DOCK6: variants seen among roughly 807,000 people sequenced by gnomAD.
The protein encoded by DOCK6 is dedicator of cytokinesis protein 6.
DOCK6 carries 167 observed loss-of-function variants against 230.3 expected under a neutral mutation model. The observed-to-expected ratio is 0.73, with a 90% confidence interval of 0.64 to 0.82. The LOEUF (loss-of-function observed/expected upper bound fraction) is 0.82, where lower values mean the gene tolerates loss of function less well. Ranked by LOEUF, DOCK6 falls within the 40% of genes least tolerant of loss-of-function variation. The pLI is 0.00. For synonymous variants in DOCK6, 1,148 were observed against 1,185.0 expected (o/e 0.97, Z 0.64); for missense variants, 2,598 against 2,825.8 (o/e 0.92, Z 1.83).
At position 11,236,996 on chromosome 19, in the gene DOCK6, G is replaced by T; in HGVS notation, c.2074-117C>A. 2 of 1,064,882 alleles carry T rather than the reference G, an allele frequency of 1.9e-6. No individual in the cohort carries two copies. Among genetic ancestry groups the T allele is most frequent in the Non-Finnish European group, 2.7e-6 (2 of 746,534 alleles). The allele number at this position is 1,064,882 out of a possible 1,614,324, so 66.0% of individuals were successfully genotyped here. ...GAGTGTAGCCCGGTCTGGGGGTGCA[G>T]CCAAGCACCCTGCCCCCAGCCCTGG... is the stretch of plus-strand genomic sequence containing the variant. On this transcript the variant is annotated intron_variant, in intron 18 of 47. Coordinates refer to ENST00000294618, the MANE Select transcript of DOCK6 (RefSeq NM_020812.4). This position sits in a 1 kb window ranked among gnomAD's most constrained non-coding sequence, Gnocchi z 5.2.
At position 11,262,320 on chromosome 19, in the gene DOCK6, G is replaced by A. The variant is rs2147908643; in HGVS notation, c.44+77C>T. 4.0e-6 allele frequency: 4 copies of A among 1,011,828 alleles called. No homozygotes were observed. The South Asian group carries it at 1.3e-4, about 34-fold the overall frequency. 62.7% of individuals were successfully genotyped at this position (1,011,828 alleles called of 1,614,324 possible). A position where few individuals can be genotyped will look rare whatever the true frequency, so the allele number is the denominator to read the frequency against. On this transcript the variant is annotated intron_variant, in intron 1 of 47. Transcript: ENST00000294618. ...AAGGGGTTGAATTGGGGGCGCCCGG[G>A]CGGGGAGGGTCGCACCGCCCCGGGG...
chr19:11,243,885 G>A lies in DOCK6; in HGVS notation c.1024-3C>T, dbSNP rs2079990919. On this transcript the variant is annotated splice_region_variant and splice_polypyrimidine_tract_variant and intron_variant, in intron 9 of 47. Coordinates refer to ENST00000294618, the MANE Select transcript of DOCK6 (RefSeq NM_020812.4). The surrounding 1 kb of genome is among the most constrained non-coding windows in gnomAD (Gnocchi z 6.3). Reference sequence around the variant, plus strand: ...CCTTGCTGAAGCACCTTCTCCAACTGCGGGGCAGATGAATGAATCCAGTGA... The same window carrying A: ...CCTTGCTGAAGCACCTTCTCCAACTACGGGGCAGATGAATGAATCCAGTGA... 1.9e-6 allele frequency: 3 copies of A among 1,606,334 alleles called. No homozygotes were observed. In the African/African-American group the frequency reaches 4.0e-5, roughly 21 times the overall value.
chr19:11,247,668 C>T (rs1052573003), intron 7 of DOCK6: 4 of 166,262 alleles, frequency 2.4e-5, no homozygotes, highest in South Asian at 3.0e-4. Context: ...CACTAGCACC[C>T]GCCCCAAAGC....
At chr19:11,237,131 A>G in intron 18 of DOCK6, 1 of 589,412 alleles carries the variant, frequency 1.7e-6, no homozygotes, top group Non-Finnish European at 3.0e-6. Context: ...AGGTCAGGAA[A>G]CAGGATAGGA....
At position 11,211,972 on chromosome 19, in the gene DOCK6, C is replaced by T. The variant is rs376760450; in HGVS notation, c.4650+21G>A. 229 of 1,074,392 alleles carry T rather than the reference C, an allele frequency of 2.1e-4. No individual in the cohort carries two copies. The African/African-American group carries it at 3.2e-3, about 15-fold the overall frequency. 66.6% of individuals were successfully genotyped at this position (1,074,392 alleles called of 1,614,324 possible). The stretch of plus-strand genomic sequence containing the variant: ...GGAGTTATATGAAGGGGAGGCGGGG[C>T]GGGGACCCAGCAGGTGTCACCTGCT... On this transcript the variant is annotated intron_variant, in intron 36 of 47. Coordinates refer to ENST00000294618, the MANE Select transcript of DOCK6 (RefSeq NM_020812.4).
At chr19:11,261,009 CAA>C (rs960688218) in intron 1 of DOCK6, among the ~76,000 whole-genome samples, 10 of 151,738 alleles carry the variant, frequency 6.6e-5, no homozygotes, top group African/African-American at 2.2e-4. Context: ...AATTTACAGA[CAA>C]AGATAATGAT....
intron 30 of DOCK6, 41 bp from the exon 31 acceptor site, chr19:11,215,968 C>G (rs767003934): frequency 6.2e-7 from 1 of 1,611,286 alleles, no homozygotes. Context: ...TGACTCTGCT[C>G]TTTTCGGGGG....
intron 14 of DOCK6, chr19:11,239,938 G>A (rs2079915615): frequency 4.4e-6 from 7 of 1,577,994 alleles, no homozygotes; most frequent in Non-Finnish European, 6.0e-6. Flanking sequence ...GACTCAGGTG[G>A]GCACCGTAGC....
At chr19:11,227,199 T>G in intron 24 of DOCK6, 138 bp downstream of exon 24, 3 of 1,197,054 alleles carry the variant, frequency 2.5e-6, no homozygotes, top group Non-Finnish European at 3.5e-6. Flanking sequence ...AAACAGACAA[T>G]GAATGAACGG....
In DOCK6 at chr19:11,208,756, C is replaced by T; in HGVS notation, c.5018G>A (p.Cys1673Tyr). ...DILSPDEEGF[C>Y]SGKHFTELGL... The stretch of plus-strand genomic sequence containing the variant: ...CAGCTCAGTGAAGTGCTTCCCGGAG[C>T]AGAAGCCCTCCTCGTCGGGCGACAG... The change falls in exon 39 of 48, where the codon TGC becomes TAC. Residue 1673 changes from cysteine to tyrosine, a missense_variant. Transcript: ENST00000294618. 6.2e-7 allele frequency: 1 copy of T among 1,613,784 alleles called. No individual in the cohort carries two copies. The highest frequency in any genetic ancestry group is 8.5e-7 in the Non-Finnish European group (1 of 1,179,748).
At position 11,207,570 on chromosome 19, in the gene DOCK6, T is replaced by C. The variant is rs1211583588; in HGVS notation, c.5088+1116A>G. Among the ~76,000 whole-genome samples, 12 of 152,176 alleles carry C rather than the reference T, an allele frequency of 7.9e-5. No individual in the cohort carries two copies. In the South Asian group the frequency reaches 1.0e-3, roughly 13 times the overall value. ...TACTTGGGAGGCTTGGGTGGGAGGA[T>C]TGAGTGAGGCCAGGAGTTTGAGACC... On this transcript the variant is annotated intron_variant, in intron 39 of 47. Transcript: ENST00000294618.
intron 37 of DOCK6, 32 bp downstream of exon 37, chr19:11,211,744 C>T (rs776409644): frequency 2.7e-5 from 41 of 1,510,680 alleles, no homozygotes; most frequent in African/African-American, 8.3e-5. Flanking sequence ...GGGGCGTGGG[C>T]GTGGCTGAAG....
In DOCK6 at chr19:11,236,866, C is replaced by A; in HGVS notation, c.2087G>T (p.Gly696Val). Residue 696 changes from glycine (G) to valine (V), a missense_variant, in exon 19 of 48, where the codon GGC becomes GTC. By Grantham distance (109) the Gly-to-Val change is moderately radical (BLOSUM62 -3). Transcript: ENST00000294618. This position sits in a 1 kb window ranked among gnomAD's most constrained non-coding sequence, Gnocchi z 5.2. ...SVLTPDVALPGMRWVDGHKGV... is the reference protein window; with the variant it reads ...SVLTPDVALPVMRWVDGHKGV... ...CTTGTGACCGTCCACCCAGCGCATG[C>A]CCGGAAGCGCCACCTGTGGGAGGGA... 1.3e-6 allele frequency: 2 copies of A among 1,553,432 alleles called. No individual in the cohort carries two copies. Among genetic ancestry groups the A allele is most frequent in the Non-Finnish European group, 1.7e-6 (2 of 1,148,536 alleles).
At chr19:11,235,813 G>A (rs886063986) in intron 20 of DOCK6, 54 bp from the exon 21 acceptor site, 28 of 1,520,312 alleles carry the variant, frequency 1.8e-5, no homozygotes, top group African/African-American at 5.5e-5. Context: ...TCACCTCCCC[G>A]CCCACTTTCC....
At chr19:11,241,088 T>C (rs563282742) in intron 14 of DOCK6, among the ~76,000 whole-genome samples, 49 of 151,848 alleles carry the variant, frequency 3.2e-4, no homozygotes, top group Non-Finnish European at 2.7e-4. Context: ...CTACTAAAAA[T>C]ACAAAAAATT....
intron 1 of DOCK6, among the ~76,000 whole-genome samples, chr19:11,261,455 G>C (rs75103828): frequency 0.021 from 3,178 of 152,058 alleles, 113 homozygotes; most frequent in African/African-American, 0.073. Flanking sequence ...CCAAGAGGGG[G>C]ATCTTTTGTC....
intron 23 of DOCK6, among the ~76,000 whole-genome samples, chr19:11,228,500 G>GT (rs1458706208): frequency 6.6e-6 from 1 of 151,836 alleles, no homozygotes; most frequent in African/African-American, 2.4e-5. Context: ...TAGGTTGTGG[G>GT]GGGGGGTCTC....
chr19:11,235,706 G>A lies in DOCK6; in HGVS notation c.2446C>T (p.His816Tyr), dbSNP rs1413251817. The A allele has an allele frequency of 1.9e-6, 3 of 1,600,014 alleles. No individual in the cohort carries two copies. The African/African-American group carries it at 4.0e-5, about 21-fold the overall frequency. The change falls in exon 21 of 48, where the codon CAC (histidine) becomes TAC (tyrosine). Residue 816 changes from histidine to tyrosine, a missense_variant. Physicochemically the swap from His to Tyr is moderately conservative, Grantham distance 83. Transcript: ENST00000294618. Reference protein sequence around the residue: ...EAMAHVVSLVHRSLEAAQDAR... With the variant: ...EAMAHVVSLVYRSLEAAQDAR... ...TCCTGGGCTGCCTCCAGGCTCCGGT[G>A]AACAAGGCTGACTACATGGGCCATT...
In DOCK6 at chr19:11,218,750, G is replaced by C. The variant is rs138864091; in HGVS notation, c.3551-1359C>G. ...GGTATGAGCCACTGCACCTGGCCTT[G>C]ATGTTATTACTATAGCATCAATCAG... On this transcript the variant is annotated intron_variant, in intron 28 of 47. Coordinates refer to ENST00000294618, the MANE Select transcript of DOCK6 (RefSeq NM_020812.4). Among the ~76,000 whole-genome samples, 267 of 149,890 alleles carry C rather than the reference G, an allele frequency of 1.8e-3. 2 individuals are homozygous for C. The highest frequency in any genetic ancestry group is 0.012 in the South Asian group (58 of 4,716).
Sources: gnomAD v4.1 joint callset for allele counts (sites outside exome capture counted in the v4.1 genomes callset) on GRCh38, gnomAD v4.1.1 for gene constraint, Gnocchi (gnomAD v3.1) non-coding constraint, MANE v1.5 for transcripts, NCBI Gene and HGNC (gene_info 2026-07-23, HGNC 2026-07-21) for gene names.